LDLRAD3: variants seen among roughly 807,000 people sequenced by gnomAD.
LDLRAD3 encodes low-density lipoprotein receptor class A domain-containing protein 3.
Under a neutral mutation model 29.4 loss-of-function variants are expected in LDLRAD3, and 20 were observed. The ratio of observed to expected loss-of-function variants is 0.68; its 90% confidence interval spans 0.48 to 0.99. The LOEUF (loss-of-function observed/expected upper bound fraction) is 0.99, where lower values mean the gene tolerates loss of function less well. LDLRAD3 is among the 50% of genes least tolerant of loss of function. The pLI, the probability that LDLRAD3 is intolerant of heterozygous loss-of-function variation, is 0.00. For synonymous variants in LDLRAD3, 157 were observed against 192.7 expected (o/e 0.81, Z 1.53); for missense variants, 420 against 454.3 (o/e 0.92, Z 0.69).
At chr11:35,996,393 C>T (rs575466401) in intron 1 of LDLRAD3, among the ~76,000 whole-genome samples, 2 of 152,090 alleles carry the variant, frequency 1.3e-5, no homozygotes, top group Non-Finnish European at 2.9e-5. Context: ...GTTTGAGGTG[C>T]CCCAAAATGT....
chr11:36,146,107 G>T (rs1854189945), intron 4 of LDLRAD3, among the ~76,000 whole-genome samples: 1 of 152,078 alleles, frequency 6.6e-6, no homozygotes, highest in Non-Finnish European at 1.5e-5. Flanking sequence ...AAATGAATGG[G>T]TGCTGGTGAG....
At chr11:36,217,610 G>T (rs545468677) in intron 4 of LDLRAD3, among the ~76,000 whole-genome samples, 26 of 152,324 alleles carry the variant, frequency 1.7e-4, no homozygotes, top group African/African-American at 5.5e-4. Context: ...CATAACAAAT[G>T]ACCACAAACT....
At chr11:36,207,458 T>C (rs534366586) in intron 4 of LDLRAD3, among the ~76,000 whole-genome samples, 43 of 152,240 alleles carry the variant, frequency 2.8e-4, no homozygotes, top group Non-Finnish European at 4.0e-4. Flanking sequence ...AAGATCAGCC[T>C]GGGCAGCATA....
chr11:35,946,539 C>T (rs912679373), intron 1 of LDLRAD3, among the ~76,000 whole-genome samples: 7 of 152,082 alleles, frequency 4.6e-5, no homozygotes, highest in African/African-American at 1.7e-4. Context: ...ATGTATCCTG[C>T]GAGAGAGACT....
chr11:36,167,819 G>A (rs1420249676), intron 4 of LDLRAD3, among the ~76,000 whole-genome samples: 1 of 152,188 alleles, frequency 6.6e-6, no homozygotes, highest in Non-Finnish European at 1.5e-5. Flanking sequence ...CTAAGACATA[G>A]GCCTACAACA....
chr11:36,023,826 C>A (rs923752163), intron 1 of LDLRAD3, among the ~76,000 whole-genome samples: 1 of 152,174 alleles, frequency 6.6e-6, no homozygotes, highest in African/African-American at 2.4e-5. Context: ...TCTCATTTGA[C>A]CTGCTTTACA....
intron 4 of LDLRAD3, among the ~76,000 whole-genome samples, chr11:36,222,929 A>G (rs1186867915): frequency 6.6e-6 from 1 of 152,168 alleles, no homozygotes; most frequent in Non-Finnish European, 1.5e-5. Context: ...TCGAAGCGGC[A>G]CGTACAGGAC....
chr11:36,082,858 G>T (rs535659468), intron 3 of LDLRAD3, among the ~76,000 whole-genome samples: 2 of 152,188 alleles, frequency 1.3e-5, no homozygotes, highest in East Asian at 3.9e-4. Flanking sequence ...GGCCCAGCTC[G>T]CCCATCAGGT....
intron 4 of LDLRAD3, among the ~76,000 whole-genome samples, chr11:36,135,779 G>C (rs995898381): frequency 2.6e-5 from 4 of 152,090 alleles, no homozygotes; most frequent in Non-Finnish European, 4.4e-5. Context: ...GTGTGGTGGT[G>C]CACACCTGTA....
At chr11:36,045,663 G>A (rs1251121515) in intron 2 of LDLRAD3, among the ~76,000 whole-genome samples, 1 of 151,948 alleles carries the variant, frequency 6.6e-6, no homozygotes, top group Non-Finnish European at 1.5e-5. Flanking sequence ...TGAATCATGG[G>A]GGTGGGTTTT....
chr11:36,060,237 C>T (rs375356129), intron 2 of LDLRAD3, among the ~76,000 whole-genome samples: 1 of 151,776 alleles, frequency 6.6e-6, no homozygotes, highest in Admixed American at 6.6e-5. Context: ...ACCTGTAATC[C>T]CAGCTACTCG....
chr11:36,063,614 C>T (rs1239898786), intron 2 of LDLRAD3, among the ~76,000 whole-genome samples: 1 of 152,100 alleles, frequency 6.6e-6, no homozygotes, highest in Non-Finnish European at 1.5e-5. Context: ...ATATAGGAGT[C>T]CAGTTTCGTT....
chr11:36,176,228 G>C (rs1354075707), intron 4 of LDLRAD3, among the ~76,000 whole-genome samples: 2 of 152,148 alleles, frequency 1.3e-5, no homozygotes, highest in African/African-American at 2.4e-5. Context: ...GCAGATACTT[G>C]TCTGCTGTTG....
chr11:36,145,607 G>A (rs1334917317), intron 4 of LDLRAD3, among the ~76,000 whole-genome samples: 1 of 151,690 alleles, frequency 6.6e-6, no homozygotes. Flanking sequence ...GATGGTTGCC[G>A]TGTCTGTGTA....
chr11:35,950,096 T>G (rs1215440859), intron 1 of LDLRAD3, among the ~76,000 whole-genome samples: 1 of 152,210 alleles, frequency 6.6e-6, no homozygotes, highest in Non-Finnish European at 1.5e-5. Context: ...TTCTTTGCCC[T>G]TGAAGACCCA....
intron 3 of LDLRAD3, among the ~76,000 whole-genome samples, chr11:36,087,710 A>G (rs1473925392): frequency 1.3e-5 from 2 of 151,782 alleles, no homozygotes; most frequent in Non-Finnish European, 2.9e-5. Context: ...AACCCAGTAT[A>G]TATAATTTTT....
At chr11:36,007,039 T>A (rs1851894397) in intron 1 of LDLRAD3, among the ~76,000 whole-genome samples, 1 of 152,222 alleles carries the variant, frequency 6.6e-6, no homozygotes, top group Admixed American at 6.5e-5. Flanking sequence ...TCAGTGACTC[T>A]CTCAGTCTGT....
At chr11:35,946,355 C>T (rs1565115444) in intron 1 of LDLRAD3, among the ~76,000 whole-genome samples, 1 of 130,712 alleles carries the variant, frequency 7.7e-6, no homozygotes, top group Non-Finnish European at 1.6e-5. Flanking sequence ...AAGGTTGAAC[C>T]GTAGTTAGAG....
intron 2 of LDLRAD3, among the ~76,000 whole-genome samples, chr11:36,055,686 TC>T (rs1171782345): frequency 6.6e-6 from 1 of 152,236 alleles, no homozygotes; most frequent in African/African-American, 2.4e-5. Flanking sequence ...CCTGTGGTCT[TC>T]CTAGTTAGTA....
Sources: gnomAD v4.1 joint callset for allele counts (sites outside exome capture counted in the v4.1 genomes callset) on GRCh38, gnomAD v4.1.1 for gene constraint, MANE v1.5 for transcripts, NCBI Gene and HGNC (gene_info 2026-07-23, HGNC 2026-07-21) for gene names.